The following MAN1A1 variants were observed in gnomAD, a reference collection of about 807,000 sequenced individuals.
MAN1A1 encodes the protein mannosidase alpha class 1A member 1.
MAN1A1 carries 29 observed loss-of-function variants against 70.8 expected under a neutral mutation model. The ratio of observed to expected loss-of-function variants is 0.41; its 90% CI spans 0.31 to 0.56. The LOEUF is 0.56. MAN1A1 is among the 20% of genes least tolerant of loss of function. The probability of loss-of-function intolerance (pLI) is 0.29; values close to 1 mark genes in which losing one functional copy is unlikely to be tolerated. For synonymous variants in MAN1A1, 349 were observed against 330.1 expected (o/e 1.06, Z -0.62); for missense variants, 747 against 841.3 (o/e 0.89, Z 1.39).
chr6:119,259,578 T>C (rs1775551276), intron 5 of MAN1A1, among the ~76,000 whole-genome samples: 1 of 152,216 alleles, frequency 6.6e-6, no homozygotes, highest in Non-Finnish European at 1.5e-5. Context: ...TCCTCCTTTA[T>C]CATATATTAT....
intron 5 of MAN1A1, among the ~76,000 whole-genome samples, chr6:119,273,360 T>C (rs768049021): frequency 4.6e-5 from 7 of 152,162 alleles, no homozygotes; most frequent in Non-Finnish European, 8.8e-5. Flanking sequence ...ATATTTTCCA[T>C]AGCTGAAATC....
intron 6 of MAN1A1, chr6:119,211,074 T>C (rs1774038298): frequency 1.0e-5 from 3 of 298,966 alleles, no homozygotes; most frequent in South Asian, 3.0e-5. Context: ...AATAATAATA[T>C]ATGAAGTTAG....
At chr6:119,313,906 C>T (rs948829113) in intron 2 of MAN1A1, among the ~76,000 whole-genome samples, 83 of 147,500 alleles carry the variant, frequency 5.6e-4, no homozygotes, top group African/African-American at 1.9e-3. Context: ...CGTGACAAAA[C>T]GAGAGTCAAG....
chr6:119,191,061 T>C (rs1401186622), intron 9 of MAN1A1, among the ~76,000 whole-genome samples: 2 of 152,150 alleles, frequency 1.3e-5, no homozygotes, highest in Non-Finnish European at 2.9e-5. Flanking sequence ...CTAAAACCTT[T>C]CCTACCTTTA....
chr6:119,268,327 C>A (rs1775815810), intron 5 of MAN1A1, among the ~76,000 whole-genome samples: 1 of 152,156 alleles, frequency 6.6e-6, no homozygotes, highest in Admixed American at 6.5e-5. Flanking sequence ...CCACAAAATA[C>A]AGGGAAGGAG....
chr6:119,298,016 AC>A (rs1308079951), intron 4 of MAN1A1, among the ~76,000 whole-genome samples: 2 of 152,008 alleles, frequency 1.3e-5, no homozygotes, highest in Admixed American at 6.6e-5. Context: ...GGGTTCTCTG[AC>A]TACTTTTCCT....
intron 8 of MAN1A1, among the ~76,000 whole-genome samples, chr6:119,197,493 G>GA (rs1212093248): frequency 6.6e-6 from 1 of 152,168 alleles, no homozygotes; most frequent in Admixed American, 6.5e-5. Flanking sequence ...ATATGGATGT[G>GA]AATCATCAGG....
intron 5 of MAN1A1, among the ~76,000 whole-genome samples, chr6:119,285,971 C>T (rs1010298176): frequency 3.3e-5 from 5 of 152,124 alleles, no homozygotes; most frequent in Admixed American, 2.0e-4. Flanking sequence ...ACTAGGAAAC[C>T]GGAAGATACA....
intron 6 of MAN1A1, among the ~76,000 whole-genome samples, chr6:119,229,685 T>A (rs1284595845): frequency 2.6e-5 from 4 of 152,188 alleles, no homozygotes; most frequent in African/African-American, 9.6e-5. Flanking sequence ...TTCTCTTGGT[T>A]TCCTACAGTG....
At chr6:119,242,457 G>A (rs901445190) in intron 6 of MAN1A1, among the ~76,000 whole-genome samples, 3 of 151,996 alleles carry the variant, frequency 2.0e-5, no homozygotes, top group African/African-American at 7.2e-5. Context: ...TTCTGCCAGA[G>A]GAAAATACAA....
chr6:119,293,800 A>G (rs560456474), intron 4 of MAN1A1, among the ~76,000 whole-genome samples: 45 of 152,160 alleles, frequency 3.0e-4, no homozygotes, highest in African/African-American at 9.9e-4. Context: ...CCACCACACC[A>G]AATTGGTTGG....
In MAN1A1 at chr6:119,196,056, C is replaced by T. The variant is rs75717662; in HGVS notation, c.1211-2164G>A. Among the ~76,000 whole-genome samples the T allele has an allele frequency of 4.7e-3, 711 of 152,078 alleles. 5 individuals carry two copies. Among genetic ancestry groups the T allele is most frequent in the Middle Eastern group, 0.02 (6 of 294 alleles). On this transcript the variant is annotated intron_variant, in intron 8 of 12. Coordinates refer to ENST00000368468, the MANE Select transcript of MAN1A1 (RefSeq NM_005907.4). ...TGGCATTGTCAAAACAACACTGACTCGATGAAGTGATAGGAAATGATGGCC... is the reference window on the plus strand; with the variant it reads ...TGGCATTGTCAAAACAACACTGACTTGATGAAGTGATAGGAAATGATGGCC...
At chr6:119,259,649 AT>A (rs1775553637) in intron 5 of MAN1A1, among the ~76,000 whole-genome samples, 1 of 152,152 alleles carries the variant, frequency 6.6e-6, no homozygotes, top group African/African-American at 2.4e-5. Context: ...CAGCTGACAG[AT>A]GAGCATTTTA....
At chr6:119,216,387 C>T (rs1041972907) in intron 6 of MAN1A1, among the ~76,000 whole-genome samples, 2 of 151,990 alleles carry the variant, frequency 1.3e-5, no homozygotes, top group Non-Finnish European at 2.9e-5. Context: ...GGAACTGGAG[C>T]GATGTTCGGG....
chr6:119,300,139 T>C (rs972763026), intron 4 of MAN1A1, among the ~76,000 whole-genome samples: 5 of 152,216 alleles, frequency 3.3e-5, no homozygotes, highest in African/African-American at 1.2e-4. Flanking sequence ...CTACCCTTTC[T>C]TGAAAAGACA....
intron 6 of MAN1A1, among the ~76,000 whole-genome samples, chr6:119,236,804 C>T (rs1774859112): frequency 6.6e-6 from 1 of 151,612 alleles, no homozygotes; most frequent in Admixed American, 6.6e-5. Flanking sequence ...AGTGATTCCT[C>T]TGATGGATCT....
chr6:119,264,332 T>C (rs1032932266), intron 5 of MAN1A1, among the ~76,000 whole-genome samples: 1 of 152,206 alleles, frequency 6.6e-6, no homozygotes, highest in African/African-American at 2.4e-5. Flanking sequence ...GGGAAATAAA[T>C]TGATTGGAAA....
At chr6:119,262,610 C>T (rs1345194735) in intron 5 of MAN1A1, among the ~76,000 whole-genome samples, 1 of 152,150 alleles carries the variant, frequency 6.6e-6, no homozygotes, top group Non-Finnish European at 1.5e-5. Flanking sequence ...TACCACTCAA[C>T]CCAGCAATCC....
Position 119,179,844 on chromosome 6 carries a change from T to A in MAN1A1, c.1937A>T (p.Lys646Met). The A allele has an allele frequency of 6.2e-7, 1 of 1,612,752 alleles. No individual in the cohort carries two copies. The highest frequency in any genetic ancestry group is 8.5e-7 in the Non-Finnish European group (1 of 1,178,820). ...TTATTCCTCTCTGATTTCAACTTCC[T>A]TTTTATCTTTAGGGAGGATAGGGAG... is the stretch of plus-strand genomic sequence containing the variant. ...HLLPILPKDK[K>M]EVEIREE is the part of the protein sequence containing the mutation. Residue 646 changes from lysine (K) to methionine (M), a missense_variant, in exon 13 of 13, where the codon AAG (lysine) becomes ATG (methionine). Lys to Met is a moderately conservative substitution (Grantham distance 95, BLOSUM62 -1). Transcript: ENST00000368468.
Sources: gnomAD v4.1 joint callset for allele counts (sites outside exome capture counted in the v4.1 genomes callset) on GRCh38, gnomAD v4.1.1 for gene constraint, MANE v1.5 for transcripts, NCBI Gene and HGNC (gene_info 2026-07-23, HGNC 2026-07-21) for gene names.